MAGI2: variants seen among roughly 807,000 people sequenced by gnomAD.
MAGI2 encodes the protein membrane-associated guanylate kinase, WW and PDZ domain-containing protein 2.
In MAGI2, 35 loss-of-function variants were observed where a neutral mutation model predicts 133.3. The observed-to-expected ratio is 0.26, with a 90% CI of 0.20 to 0.35. MAGI2 has a LOEUF of 0.35. Among genes scored for constraint, MAGI2 ranks in the 10% least tolerant of loss-of-function variants. The pLI is 1.00. For synonymous variants in MAGI2, 729 were observed against 710.6 expected (o/e 1.03, Z -0.41); for missense variants, 1,636 against 1,863.4 (o/e 0.88, Z 2.25).
chr7:78,136,294 G>A (rs1048002567), intron 16 of MAGI2, among the ~76,000 whole-genome samples: 4 of 152,074 alleles, frequency 2.6e-5, no homozygotes, highest in African/African-American at 2.4e-5. Context: ...TAATTTTTTT[G>A]TATTTTTAGT....
chr7:79,389,587 A>G (rs1844451616), intron 1 of MAGI2, among the ~76,000 whole-genome samples: 1 of 152,172 alleles, frequency 6.6e-6, no homozygotes, highest in South Asian at 2.1e-4. Context: ...CATGTATCAG[A>G]AAGTTTTTCT....
intron 1 of MAGI2, among the ~76,000 whole-genome samples, chr7:79,045,539 A>G (rs1367671541): frequency 2.0e-5 from 3 of 152,182 alleles, no homozygotes; most frequent in Non-Finnish European, 4.4e-5. Flanking sequence ...AGTGGTTGCC[A>G]GGTGTCACTT....
At chr7:78,361,620 G>A (rs920533591) in intron 7 of MAGI2, among the ~76,000 whole-genome samples, 1 of 152,194 alleles carries the variant, frequency 6.6e-6, no homozygotes, top group Non-Finnish European at 1.5e-5. Flanking sequence ...ATGTCAAGGT[G>A]AATAATTCAT....
intron 1 of MAGI2, among the ~76,000 whole-genome samples, chr7:79,345,540 A>C (rs1194243496): frequency 6.6e-6 from 1 of 152,122 alleles, no homozygotes. Context: ...CCAGGAAGAC[A>C]CCAAGTCTTA....
chr7:78,623,202 CTT>C, intron 3 of MAGI2, among the ~76,000 whole-genome samples: 1 of 151,976 alleles, frequency 6.6e-6, no homozygotes, highest in Non-Finnish European at 1.5e-5. Flanking sequence ...TTTAGAGAGT[CTT>C]TATTTTTACA....
intron 9 of MAGI2, among the ~76,000 whole-genome samples, chr7:78,326,063 C>T (rs1788550694): frequency 1.3e-5 from 2 of 152,190 alleles, no homozygotes; most frequent in Admixed American, 1.3e-4. Flanking sequence ...TCTCTGTTGT[C>T]TCCTAGGCTT....
In MAGI2 at chr7:78,090,560, A is replaced by G. The variant is rs3779307; in HGVS notation, c.3568-11475T>C. ...ACTGTCAACTGAGGTGCCTGGCACA[A>G]GATAAGAGCTTCATAAATATTTCTT... On this transcript the variant is annotated intron_variant, in intron 20 of 21. Transcript: ENST00000354212. 9.9e-3 allele frequency among the ~76,000 whole-genome samples: 1,511 copies of G among 152,328 alleles called. 18 individuals are homozygous for G. Among genetic ancestry groups the G allele is most frequent in the South Asian group, 0.045 (217 of 4,818 alleles).
chr7:79,016,173 G>T (rs984599688), intron 1 of MAGI2, among the ~76,000 whole-genome samples: 1 of 152,084 alleles, frequency 6.6e-6, no homozygotes, highest in Non-Finnish European at 1.5e-5. Flanking sequence ...CAGAGAGTTT[G>T]GTGTGGGAGC....
chr7:78,267,841 A>C (rs1794168606), intron 9 of MAGI2, among the ~76,000 whole-genome samples: 1 of 152,174 alleles, frequency 6.6e-6, no homozygotes, highest in Non-Finnish European at 1.5e-5. Context: ...CACTGCAGAC[A>C]ATGGAAGATT....
At chr7:79,173,203 A>G (rs1825778262) in intron 1 of MAGI2, among the ~76,000 whole-genome samples, 1 of 152,116 alleles carries the variant, frequency 6.6e-6, no homozygotes, top group South Asian at 2.1e-4. Flanking sequence ...TGAACTTACT[A>G]ATAAATATGA....
At chr7:78,447,627 C>T (rs188583006) in intron 6 of MAGI2, among the ~76,000 whole-genome samples, 5 of 152,008 alleles carry the variant, frequency 3.3e-5, no homozygotes, top group East Asian at 1.9e-4. Context: ...TTGACTAGCT[C>T]ACCTGGGGAC....
chr7:79,015,306 A>T (rs1467542392), intron 1 of MAGI2, among the ~76,000 whole-genome samples: 4 of 148,856 alleles, frequency 2.7e-5, no homozygotes, highest in Admixed American at 2.0e-4. Flanking sequence ...ATGAAAAATT[A>T]AAAAAAAATT....
chr7:78,324,114 C>T (rs115780905), intron 9 of MAGI2, among the ~76,000 whole-genome samples: 1 of 150,710 alleles, frequency 6.6e-6, no homozygotes, highest in Admixed American at 6.6e-5. Flanking sequence ...AAAAATGGAG[C>T]AAAATAATTG....
chr7:79,217,215 A>T (rs1046641301), intron 1 of MAGI2, among the ~76,000 whole-genome samples: 1 of 152,060 alleles, frequency 6.6e-6, no homozygotes, highest in East Asian at 1.9e-4. Context: ...GAATCCTGAT[A>T]AAGGATAGAA....
At chr7:78,815,837 TAAC>T (rs1789528809) in intron 2 of MAGI2, among the ~76,000 whole-genome samples, 2 of 152,172 alleles carry the variant, frequency 1.3e-5, no homozygotes, top group Admixed American at 1.3e-4. Context: ...CTCTAAGACT[TAAC>T]AATATTGAAG....
At chr7:79,235,247 G>A (rs557566049) in intron 1 of MAGI2, among the ~76,000 whole-genome samples, 4 of 152,214 alleles carry the variant, frequency 2.6e-5, no homozygotes, top group African/African-American at 9.6e-5. Context: ...CTGTTTTTTT[G>A]TTTGTCTGTG....
chr7:79,408,356 T>C (rs562236129), intron 1 of MAGI2, among the ~76,000 whole-genome samples: 2 of 152,140 alleles, frequency 1.3e-5, no homozygotes, highest in African/African-American at 4.8e-5. Flanking sequence ...ATCACTAAAA[T>C]ATAGGAAACT....
intron 2 of MAGI2, among the ~76,000 whole-genome samples, chr7:78,882,340 C>A (rs1362433439): frequency 6.6e-6 from 1 of 151,918 alleles, no homozygotes; most frequent in Admixed American, 6.6e-5. Context: ...CGTGAACAGA[C>A]CAACATTGAA....
rs748974014 is a variant in MAGI2, at chr7:78,990,338, T to C, written c.418+16752A>G. Among the ~76,000 whole-genome samples, 5 of 152,224 alleles carry C rather than the reference T, an allele frequency of 3.3e-5. No homozygotes were observed. The Middle Eastern group carries it at 0.01, about 311-fold the overall frequency. ...ACTGGAAAAAAAATAGTAAGAAGAA[T>C]ATAGTTCAAACCTTCTAATCAAGTT... On this transcript the variant is annotated intron_variant, in intron 2 of 21. Transcript: ENST00000354212.
Sources: allele counts gnomAD v4.1 joint callset (sites outside exome capture counted in the v4.1 genomes callset), GRCh38; gene constraint gnomAD v4.1.1; transcripts MANE v1.5; gene names NCBI Gene and HGNC (gene_info 2026-07-23, HGNC 2026-07-21).